The following SCFD2 variants were observed in gnomAD, a reference collection of about 807,000 sequenced individuals.
SCFD2 encodes sec1 family domain containing 2.
SCFD2 carries 54 observed loss-of-function variants against 58.9 expected under a neutral mutation model. The ratio of observed to expected loss-of-function variants is 0.92; its 90% CI spans 0.74 to 1.15. SCFD2 has a LOEUF of 1.15. Ranked by LOEUF, SCFD2 falls within the 50% of genes most tolerant of loss-of-function variation. The pLI, the probability that SCFD2 is intolerant of heterozygous loss-of-function variation, is 0.00. For synonymous variants in SCFD2, 321 were observed against 335.9 expected (o/e 0.96, Z 0.49); for missense variants, 805 against 836.6 (o/e 0.96, Z 0.47).
intron 4 of SCFD2, among the ~76,000 whole-genome samples, chr4:53,221,831 T>C (rs188807395): frequency 1.5e-3 from 222 of 152,320 alleles, no homozygotes; most frequent in African/African-American, 5.0e-3. Context: ...GCAGCTCTAC[T>C]ACAGCTGGTG....
At chr4:53,079,186 G>A (rs966856294) in intron 5 of SCFD2, among the ~76,000 whole-genome samples, 3 of 152,138 alleles carry the variant, frequency 2.0e-5, no homozygotes, top group African/African-American at 7.2e-5. Context: ...GAGGGCTAAT[G>A]GTGTAAGTAC....
At chr4:53,207,867 C>T (rs1160108248) in intron 4 of SCFD2, among the ~76,000 whole-genome samples, 2 of 151,244 alleles carry the variant, frequency 1.3e-5, no homozygotes, top group Non-Finnish European at 2.9e-5. Context: ...AGCCATGCTT[C>T]CTGTACAGCC....
intron 4 of SCFD2, among the ~76,000 whole-genome samples, chr4:53,219,713 G>T (rs1325194301): frequency 2.0e-5 from 3 of 152,132 alleles, no homozygotes; most frequent in Non-Finnish European, 4.4e-5. Flanking sequence ...GAAATCACCT[G>T]TCTTCTGTGT....
intron 7 of SCFD2, among the ~76,000 whole-genome samples, chr4:52,897,867 T>C (rs1719066422): frequency 6.6e-6 from 1 of 152,236 alleles, no homozygotes; most frequent in Non-Finnish European, 1.5e-5. Flanking sequence ...TTCAACTTCT[T>C]CCTGGTTTAG....
rs1718388411 is a variant in SCFD2 at position 52,873,045 on chromosome 4, C to T, written c.*924G>A. On this transcript the variant is annotated 3_prime_UTR_variant, in exon 9 of 9. Transcript: ENST00000401642. ...GAAACTTCCATCGACCATACACCTA[C>T]AAACATGTGGGTTGCAAGTGGTTCG... is the stretch of plus-strand genomic sequence containing the variant. The T allele has an allele frequency of 6.6e-6, 1 of 152,234 alleles. No individual in the cohort carries two copies. The highest frequency in any genetic ancestry group is 2.1e-4 in the South Asian group (1 of 4,830). 9.4% of individuals were successfully genotyped at this position (152,234 alleles called of 1,614,324 possible).
At chr4:53,199,630 A>T (rs1728164945) in intron 4 of SCFD2, among the ~76,000 whole-genome samples, 1 of 151,972 alleles carries the variant, frequency 6.6e-6, no homozygotes, top group African/African-American at 2.4e-5. Flanking sequence ...AGGGGGTGGG[A>T]CTTCAGATTG....
intron 5 of SCFD2, among the ~76,000 whole-genome samples, chr4:53,088,841 G>C (rs114362156): frequency 0.011 from 1,734 of 152,198 alleles, 18 homozygotes; most frequent in Middle Eastern, 0.034. Context: ...GGGGTGGCAG[G>C]CTATGGATTG....
chr4:53,179,592 C>T lies in SCFD2; in HGVS notation c.1312-34010G>A, dbSNP rs566886657. 2.6e-5 allele frequency among the ~76,000 whole-genome samples: 4 copies of T among 152,308 alleles called. No individual in the cohort carries two copies. In the South Asian group the frequency reaches 8.3e-4, roughly 32 times the overall value. On this transcript the variant is annotated intron_variant, in intron 4 of 8. Coordinates refer to ENST00000401642, the MANE Select transcript of SCFD2 (RefSeq NM_152540.4). ...TGATGCCATGAAGAAACTGCATCAA[C>T]TAATGAGCAAAATAACCAGCTAACA...
rs533073598 is a variant in SCFD2, at chr4:53,189,534, C to T, written c.1312-43952G>A. On this transcript the variant is annotated intron_variant, in intron 4 of 8. Coordinates refer to ENST00000401642, the MANE Select transcript of SCFD2 (RefSeq NM_152540.4). ...CCTTCTTGGCTGTATCCTTGCATGG[C>T]GGGGCCTGAGAGAGCAGTAAGGGAG... 3.3e-5 allele frequency among the ~76,000 whole-genome samples: 5 copies of T among 152,228 alleles called. No individual in the cohort carries two copies. The East Asian group carries it at 5.8e-4, about 18-fold the overall frequency.
intron 4 of SCFD2, among the ~76,000 whole-genome samples, chr4:53,224,335 G>A (rs1018645371): frequency 6.7e-6 from 1 of 149,472 alleles, no homozygotes; most frequent in East Asian, 2.0e-4. Flanking sequence ...GTTGCAGTGA[G>A]CCGAGATCAC....
At chr4:53,298,823 C>A (rs1232758243) in intron 3 of SCFD2, among the ~76,000 whole-genome samples, 1 of 152,044 alleles carries the variant, frequency 6.6e-6, no homozygotes, top group Non-Finnish European at 1.5e-5. Flanking sequence ...CTGCTGATAC[C>A]CAGGCAAAAA....
At chr4:53,345,225 T>C (rs1312721097) in intron 2 of SCFD2, among the ~76,000 whole-genome samples, 1 of 151,894 alleles carries the variant, frequency 6.6e-6, no homozygotes, top group African/African-American at 2.4e-5. Flanking sequence ...ATATCCAGAA[T>C]CTACAAAGAA....
intron 4 of SCFD2, among the ~76,000 whole-genome samples, chr4:53,209,852 A>G (rs1193676373): frequency 1.3e-5 from 2 of 152,072 alleles, no homozygotes; most frequent in African/African-American, 4.8e-5. Flanking sequence ...GGAGAACTCC[A>G]ATCAGTAAAC....
chr4:52,920,751 A>G lies in SCFD2; in HGVS notation c.1681T>C (p.Tyr561His), dbSNP rs1719715296. 6.2e-7 allele frequency: 1 copy of G among 1,609,264 alleles called. No homozygotes were observed. Among genetic ancestry groups the G allele is most frequent in the African/African-American group, 1.3e-5 (1 of 74,518 alleles). ...RSLLKQFKSV[Y>H]VPGNHTHQAS... ...TGGTGGGTATGATTTCCAGGAACAT[A>G]TACAGACTTAAACTGTTTCAGGAGA... Residue 561 changes from tyrosine (Y) to histidine (H), a missense_variant, in exon 6 of 9, where the codon TAT becomes CAT. Physicochemically the swap from Tyr to His is moderately conservative, Grantham distance 83. Coordinates refer to ENST00000401642, the MANE Select transcript of SCFD2 (RefSeq NM_152540.4).
At chr4:53,185,500 T>C (rs1727709649) in intron 4 of SCFD2, among the ~76,000 whole-genome samples, 1 of 152,070 alleles carries the variant, frequency 6.6e-6, no homozygotes, top group Non-Finnish European at 1.5e-5. Context: ...GCTTCCTGCT[T>C]CCTAGTCTCT....
At chr4:53,340,238 T>A (rs1733820622) in intron 2 of SCFD2, among the ~76,000 whole-genome samples, 1 of 152,136 alleles carries the variant, frequency 6.6e-6, no homozygotes, top group South Asian at 2.1e-4. Context: ...AGACGGCACC[T>A]GGAAAATCGG....
intron 6 of SCFD2, among the ~76,000 whole-genome samples, chr4:52,913,956 T>C (rs947178195): frequency 8.5e-5 from 13 of 152,216 alleles, no homozygotes; most frequent in Admixed American, 7.2e-4. Flanking sequence ...AATGGAGTTT[T>C]GGGAATACAC....
chr4:53,050,875 C>A (rs1723170974), intron 5 of SCFD2, among the ~76,000 whole-genome samples: 1 of 152,190 alleles, frequency 6.6e-6, no homozygotes, highest in Non-Finnish European at 1.5e-5. Flanking sequence ...TAAAGCTGCT[C>A]ACATCTTCTG....
Position 53,145,589 on chromosome 4 carries a change from T to TA in SCFD2, c.1312-8dup. Reference sequence around the variant, plus strand: ...TTGCTGACTCCCCAATGCTCTAAAATAAAAAATGATATGAAAATATGTCAA... The same window carrying TA: ...TTGCTGACTCCCCAATGCTCTAAAATAAAAAAATGATATGAAAATATGTCAA... On this transcript the variant is annotated splice_polypyrimidine_tract_variant and splice_region_variant and intron_variant, in intron 4 of 8. Transcript: ENST00000401642. 9.3e-6 allele frequency: 15 copies of TA among 1,604,498 alleles called. No homozygotes were observed. The highest frequency in any genetic ancestry group is 1.3e-5 in the Non-Finnish European group (15 of 1,176,354).
Sources: allele counts gnomAD v4.1 joint callset (sites outside exome capture counted in the v4.1 genomes callset), GRCh38; gene constraint gnomAD v4.1.1; transcripts MANE v1.5; gene names NCBI Gene and HGNC (gene_info 2026-07-23, HGNC 2026-07-21).